The following EBF1 variants were observed in gnomAD, a reference collection of about 807,000 sequenced individuals.
EBF1 encodes the protein EBF transcription factor 1, also known as transcription factor COE1.
EBF1 carries 10 observed loss-of-function variants against 68.4 expected under a neutral mutation model. The ratio of observed to expected loss-of-function variants is 0.15; its 90% confidence interval spans 0.09 to 0.25. The LOEUF is 0.25. Ranked by LOEUF, EBF1 falls within the 10% of genes least tolerant of loss-of-function variation. The pLI is 1.00. For synonymous variants in EBF1, 298 were observed against 299.8 expected (o/e 0.99, Z 0.06); for missense variants, 509 against 794.4 (o/e 0.64, Z 4.32).
chr5:158,911,612 G>A (rs141177609), intron 6 of EBF1, among the ~76,000 whole-genome samples: 3 of 149,968 alleles, frequency 2.0e-5, no homozygotes, highest in African/African-American at 7.3e-5. Flanking sequence ...TTTCTGCTAC[G>A]ACAGCATACA....
At chr5:159,038,227 A>G (rs955267587) in intron 6 of EBF1, among the ~76,000 whole-genome samples, 3 of 152,142 alleles carry the variant, frequency 2.0e-5, no homozygotes, top group African/African-American at 7.2e-5. Context: ...TCTTTAACCT[A>G]TAAGCTTTAT....
chr5:159,017,353 T>C (rs1765817954), intron 6 of EBF1, among the ~76,000 whole-genome samples: 1 of 152,144 alleles, frequency 6.6e-6, no homozygotes, highest in Non-Finnish European at 1.5e-5. Context: ...AAATACCTTC[T>C]GGCTTCTATC....
intron 6 of EBF1, among the ~76,000 whole-genome samples, chr5:158,871,339 C>T (rs1370072573): frequency 2.6e-5 from 4 of 152,186 alleles, no homozygotes; most frequent in Admixed American, 2.0e-4. Context: ...TGACCATCCC[C>T]TCCTGACTTA....
rs1756200937 is a variant in EBF1, at chr5:158,698,997, G to A, written c.*114C>T. 7 of 976,924 alleles carry A rather than the reference G, an allele frequency of 7.2e-6. No individual in the cohort carries two copies. The highest frequency in any genetic ancestry group is 1.0e-5 in the Non-Finnish European group (7 of 675,170). 60.5% of individuals were successfully genotyped at this position (976,924 alleles called of 1,614,324 possible). On this transcript the variant is annotated 3_prime_UTR_variant, in exon 16 of 16. Coordinates refer to ENST00000313708, the MANE Select transcript of EBF1 (RefSeq NM_024007.5). ...GTTTGTTTAAAAATCTGCAGTTATTGTGATTCCTCTTAAAAAGGCCTGAGT... is the reference window on the plus strand; with the variant it reads ...GTTTGTTTAAAAATCTGCAGTTATTATGATTCCTCTTAAAAAGGCCTGAGT...
At chr5:159,085,944 G>A (rs1198563038) in intron 4 of EBF1, among the ~76,000 whole-genome samples, 1 of 152,072 alleles carries the variant, frequency 6.6e-6, no homozygotes, top group African/African-American at 2.4e-5. Flanking sequence ...TATGGTATCT[G>A]ATCCCGTTAC....
chr5:158,796,307 A>T, intron 9 of EBF1, 38 bp downstream of exon 9: 1 of 1,578,402 alleles, frequency 6.3e-7, no homozygotes, highest in Non-Finnish European at 8.6e-7. Context: ...CTTCAACTAG[A>T]TCAAGCTATT....
At chr5:158,707,906 C>G in intron 15 of EBF1, 73 bp downstream of exon 15, 1 of 1,476,362 alleles carries the variant, frequency 6.8e-7, no homozygotes, top group Non-Finnish European at 9.2e-7. Flanking sequence ...AATGGTGATG[C>G]ATCTGCTTCA....
At chr5:158,807,334 G>A (rs1781773103) in intron 8 of EBF1, among the ~76,000 whole-genome samples, 1 of 152,102 alleles carries the variant, frequency 6.6e-6, no homozygotes, top group East Asian at 1.9e-4. Context: ...TGGGGATTGT[G>A]GCTAAATGTA....
At position 158,726,217 on chromosome 5, in the gene EBF1, TA is replaced by T. The variant is rs368427158; in HGVS notation, c.1125+4851del. Among the ~76,000 whole-genome samples the T allele has an allele frequency of 4.2e-3, 645 of 152,302 alleles. 3 individuals carry two copies. The highest frequency in any genetic ancestry group is 0.015 in the African/African-American group (606 of 41,568). The stretch of plus-strand genomic sequence containing the variant: ...TACGTGTTATCTATACCTACCAACA[TA>T]GAGATGGATAGCTCCCATTCTCCTT... On this transcript the variant is annotated intron_variant, in intron 11 of 15. Coordinates refer to ENST00000313708, the MANE Select transcript of EBF1 (RefSeq NM_024007.5).
chr5:158,951,608 C>T (rs771346399), intron 6 of EBF1, among the ~76,000 whole-genome samples: 19 of 152,124 alleles, frequency 1.2e-4, no homozygotes, highest in Non-Finnish European at 2.4e-4. Flanking sequence ...CAAAATATGA[C>T]TAAGTAGGCC....
chr5:158,939,771 G>T (rs1812843361), intron 6 of EBF1, among the ~76,000 whole-genome samples: 1 of 151,918 alleles, frequency 6.6e-6, no homozygotes. Context: ...GGGGGAGGCT[G>T]CGAGGTAGCT....
chr5:159,040,535 T>G lies in EBF1; in HGVS notation c.554+32861A>C, dbSNP rs1770985678. On this transcript the variant is annotated intron_variant, in intron 6 of 15. Coordinates refer to ENST00000313708, the MANE Select transcript of EBF1 (RefSeq NM_024007.5). Reference sequence around the variant, plus strand: ...CACTCATGTCCACCCTCAGTGCCCTTGGTGTTGCCAGGCCTTGAGTCCTGG... The same window carrying G: ...CACTCATGTCCACCCTCAGTGCCCTGGGTGTTGCCAGGCCTTGAGTCCTGG... Among the ~76,000 whole-genome samples, 4 of 152,208 alleles carry G rather than the reference T, an allele frequency of 2.6e-5. No homozygotes were observed. In the South Asian group the frequency reaches 8.3e-4, roughly 32 times the overall value.
At chr5:158,998,312 C>T (rs1307227208) in intron 6 of EBF1, among the ~76,000 whole-genome samples, 1 of 152,144 alleles carries the variant, frequency 6.6e-6, no homozygotes, top group Non-Finnish European at 1.5e-5. Flanking sequence ...CTCGACAAGG[C>T]TTTCCTCCAC....
chr5:159,090,807 G>GTAATAACAATAA (rs1781491008), intron 4 of EBF1, among the ~76,000 whole-genome samples: 1 of 149,202 alleles, frequency 6.7e-6, no homozygotes, highest in Non-Finnish European at 1.5e-5. Context: ...ACCCAATGGG[G>GTAATAACAATAA]TAATAATAAT....
At chr5:158,711,083 G>A (rs1656582419) in intron 14 of EBF1, among the ~76,000 whole-genome samples, 1 of 152,186 alleles carries the variant, frequency 6.6e-6, no homozygotes, top group African/African-American at 2.4e-5. Flanking sequence ...AGGCACCAAA[G>A]AACGTTTTTT....
At chr5:158,715,967 G>A (rs976697547) in intron 11 of EBF1, among the ~76,000 whole-genome samples, 5 of 152,220 alleles carry the variant, frequency 3.3e-5, no homozygotes, top group African/African-American at 7.2e-5. Flanking sequence ...GGCAGGGAAC[G>A]TATTTTCCTT....
chr5:159,036,450 AAC>A (rs1770093753), intron 6 of EBF1, among the ~76,000 whole-genome samples: 1 of 146,172 alleles, frequency 6.8e-6, no homozygotes. Flanking sequence ...CTGGTACCAA[AAC>A]AGAGATATAG....
chr5:158,900,472 G>A (rs1411857399), intron 6 of EBF1, among the ~76,000 whole-genome samples: 2 of 152,224 alleles, frequency 1.3e-5, no homozygotes, highest in Non-Finnish European at 2.9e-5. Flanking sequence ...TCTCTAGGCA[G>A]TTCTGATTTG....
chr5:158,928,260 T>C lies in EBF1; in HGVS notation c.555-88150A>G, dbSNP rs535689107. ...GGCTTGTAAAGATCAAATGATATGTTAGAGTAAAATGCTTAGCACAGTGCC... is the reference window on the plus strand; with the variant it reads ...GGCTTGTAAAGATCAAATGATATGTCAGAGTAAAATGCTTAGCACAGTGCC... On this transcript the variant is annotated intron_variant, in intron 6 of 15. Transcript: ENST00000313708. 2.2e-3 allele frequency among the ~76,000 whole-genome samples: 341 copies of C among 152,280 alleles called. 3 individuals are homozygous for C. Among genetic ancestry groups the C allele is most frequent in the African/African-American group, 8.0e-3 (331 of 41,546 alleles).
Sources: allele counts gnomAD v4.1 joint callset (sites outside exome capture counted in the v4.1 genomes callset), GRCh38; gene constraint gnomAD v4.1.1; transcripts MANE v1.5; gene names NCBI Gene and HGNC (gene_info 2026-07-23, HGNC 2026-07-21).